Variants in OTOA observed in about 807,000 individuals in gnomAD.
OTOA encodes the protein cancer/testis antigen 108.
In OTOA, 70 loss-of-function variants were observed where a neutral mutation model predicts 110.8. That is an observed-to-expected ratio of 0.63 (90% CI 0.52 to 0.77). OTOA has a LOEUF of 0.77. Ranked by LOEUF, OTOA falls within the 30% of genes least tolerant of loss-of-function variation. The pLI is 0.00. For missense variants in OTOA, 917 were observed against 1,075.8 expected (o/e 0.85, Z 2.06); for synonymous variants, 373 against 431.5 (o/e 0.86, Z 1.68).
At chr16:21,690,009 A>C (rs1207942487) in intron 8 of OTOA, among the ~76,000 whole-genome samples, 3 of 151,996 alleles carry the variant, frequency 2.0e-5, no homozygotes, top group African/African-American at 7.3e-5. Flanking sequence ...TAAATGGGTG[A>C]ATTGTAAGGT....
intron 6 of OTOA, chr16:21,684,608 G>C (rs1214822432): frequency 7.0e-7 from 1 of 1,421,048 alleles, no homozygotes; most frequent in Non-Finnish European, 9.7e-7. Flanking sequence ...ACTTCAACAA[G>C]CAGCTGTCCC....
intron 1 of OTOA, among the ~76,000 whole-genome samples, chr16:21,671,317 T>C (rs1966848703): frequency 1.3e-5 from 2 of 152,018 alleles, no homozygotes; most frequent in South Asian, 4.1e-4. Flanking sequence ...CCGGGCTCAG[T>C]GGCTCACACC....
At position 21,715,017 on chromosome 16, in the gene OTOA, C is replaced by T. The variant is rs374219815; in HGVS notation, c.1353C>T (p.Gly451=). 48 of 1,614,086 alleles carry T rather than the reference C, an allele frequency of 3.0e-5. No individual in the cohort carries two copies. The highest frequency in any genetic ancestry group is 1.5e-4 in the Admixed American group (9 of 60,012). ...VLSFYNVSQM[G]ALLAGVSTQA... is the part of the protein sequence containing the mutation. Reference sequence around the variant, plus strand: ...CTTTCTACAATGTCAGCCAGATGGGCGCACTGCTGGCTGGGGTCAGCACCC... The same window carrying T: ...CTTTCTACAATGTCAGCCAGATGGGTGCACTGCTGGCTGGGGTCAGCACCC... Residue 451 remains glycine, a synonymous_variant, in exon 14 of 29, where the codon GGC becomes GGT. Coordinates refer to ENST00000646100, the MANE Select transcript of OTOA (RefSeq NM_144672.4).
chr16:21,705,009 G>A, intron 11 of OTOA, 160 bp from the exon 12 acceptor site: 1 of 1,166,894 alleles, frequency 8.6e-7, no homozygotes, highest in Non-Finnish European at 1.3e-6. Flanking sequence ...GCCTGTGGTT[G>A]CACATTTGGT....
At chr16:21,692,537 G>T (rs921289932) in intron 9 of OTOA, among the ~76,000 whole-genome samples, 1 of 152,128 alleles carries the variant, frequency 6.6e-6, no homozygotes, top group African/African-American at 2.4e-5. Flanking sequence ...TTTCGATTTT[G>T]CAAGGTTCAA....
chr16:21,717,816 A>G (rs1291595228), intron 15 of OTOA, among the ~76,000 whole-genome samples: 1 of 152,116 alleles, frequency 6.6e-6, no homozygotes, highest in Non-Finnish European at 1.5e-5. Context: ...AGTGTGCAAA[A>G]GTGAATGAAA....
chr16:21,690,409 C>T (rs1443387457), intron 8 of OTOA, among the ~76,000 whole-genome samples: 2 of 149,164 alleles, frequency 1.3e-5, no homozygotes, highest in Admixed American at 6.7e-5. Flanking sequence ...GTGATCTCAT[C>T]GTTCAGCTTC....
intron 11 of OTOA, chr16:21,704,895 G>A: frequency 1.3e-6 from 1 of 778,094 alleles, no homozygotes; most frequent in Non-Finnish European, 2.4e-6. Flanking sequence ...CATGCCATGA[G>A]GTGATGCCAG....
At chr16:21,692,390 C>A (rs1271053444) in intron 9 of OTOA, among the ~76,000 whole-genome samples, 1 of 151,584 alleles carries the variant, frequency 6.6e-6, no homozygotes, top group Non-Finnish European at 1.5e-5. Flanking sequence ...CAATAAAACA[C>A]AGAAATTTAA....
At chr16:21,696,754 C>T (rs984081611) in intron 9 of OTOA, among the ~76,000 whole-genome samples, 12 of 151,898 alleles carry the variant, frequency 7.9e-5, no homozygotes, top group East Asian at 1.9e-4. Context: ...GACGGGATTT[C>T]GTGATTACAG....
intron 21 of OTOA, among the ~76,000 whole-genome samples, chr16:21,734,721 C>G (rs1232022624): frequency 6.6e-6 from 1 of 152,004 alleles, no homozygotes; most frequent in African/African-American, 2.4e-5. Flanking sequence ...CATGTAGTCC[C>G]AGCTACTCGG....
chr16:21,712,054 A>G (rs924297081), intron 13 of OTOA, among the ~76,000 whole-genome samples: 1 of 151,704 alleles, frequency 6.6e-6, no homozygotes, highest in Non-Finnish European at 1.5e-5. Flanking sequence ...TAGGCTGGGC[A>G]TGGTGGCTTA....
intron 9 of OTOA, 93 bp downstream of exon 9, chr16:21,691,780 T>C: frequency 8.3e-7 from 1 of 1,211,244 alleles, no homozygotes; most frequent in Non-Finnish European, 1.2e-6. Flanking sequence ...TTGATGTTGT[T>C]CTCTTCTGAT....
intron 6 of OTOA, among the ~76,000 whole-genome samples, chr16:21,682,098 T>A (rs998753727): frequency 6.6e-6 from 1 of 152,194 alleles, no homozygotes; most frequent in Non-Finnish European, 1.5e-5. Context: ...AACAATTTAG[T>A]TTATTTCTTT....
At chr16:21,671,625 A>G (rs931419468) in intron 1 of OTOA, among the ~76,000 whole-genome samples, 2 of 151,788 alleles carry the variant, frequency 1.3e-5, no homozygotes, top group Non-Finnish European at 2.9e-5. Flanking sequence ...GAAAAAAAAA[A>G]AGAAAGAAAT....
chr16:21,722,376 T>C (rs1898782137), intron 17 of OTOA, among the ~76,000 whole-genome samples: 1 of 68,004 alleles, frequency 1.5e-5, no homozygotes, highest in Admixed American at 1.6e-4. Flanking sequence ...AAGCTATATA[T>C]AACTATATGT....
intron 11 of OTOA, chr16:21,704,869 T>C: frequency 5.2e-6 from 4 of 769,058 alleles, no homozygotes; most frequent in Non-Finnish European, 9.7e-6. Flanking sequence ...TGCTGGGAGG[T>C]GTGATCTGAT....
intron 9 of OTOA, among the ~76,000 whole-genome samples, chr16:21,695,885 ATATATAT>A (rs1482835958): frequency 2.0e-5 from 1 of 50,504 alleles, no homozygotes; most frequent in African/African-American, 1.1e-4. Context: ...ATATATATAT[ATATATAT>A]TTTTTTTTTT....
rs1056826783 is a variant in OTOA at position 21,681,720 on chromosome 16, G to T, written c.180-18G>T. The T allele has an allele frequency of 1.4e-5, 23 of 1,600,210 alleles. No homozygotes were observed. The Admixed American group carries it at 3.8e-4, about 27-fold the overall frequency. ...GAATCTGTCATTGTGATCTTTTCCT[G>T]TCTGTCTTCAACTGAAGCTCCCACG... is the stretch of plus-strand genomic sequence containing the variant. On this transcript the variant is annotated intron_variant, in intron 5 of 28. Transcript: ENST00000646100.
Sources: allele counts gnomAD v4.1 joint callset (sites outside exome capture counted in the v4.1 genomes callset), GRCh38; gene constraint gnomAD v4.1.1; transcripts MANE v1.5; gene names NCBI Gene and HGNC (gene_info 2026-07-23, HGNC 2026-07-21).